Variants in TRPM7 observed in about 807,000 individuals in gnomAD.
TRPM7 encodes the protein LTRPC ion channel family member 7.
In TRPM7, 134 loss-of-function variants were observed where a neutral mutation model predicts 229.7. The ratio of observed to expected loss-of-function variants is 0.58; its 90% confidence interval spans 0.51 to 0.67. The LOEUF (loss-of-function observed/expected upper bound fraction) is 0.67. Among genes scored for constraint, TRPM7 ranks in the 30% least tolerant of loss-of-function variants. TRPM7 has a pLI of 0.00. For missense variants in TRPM7, 1,901 were observed against 2,210.0 expected, an observed-to-expected ratio of 0.86 and a Z score of 2.80; for synonymous variants, 699 against 715.2, an observed-to-expected ratio of 0.98 and a Z score of 0.36.
chr15:50,622,672 A>G (rs2060445297), intron 12 of TRPM7, among the ~76,000 whole-genome samples: 1 of 151,966 alleles, frequency 6.6e-6, no homozygotes, highest in Non-Finnish European at 1.5e-5. Flanking sequence ...GATCATCTGA[A>G]GTCGGGAGTT....
rs755344114 is a variant in TRPM7 at position 50,643,334 on chromosome 15, C to T, written c.535+6G>A. 7 of 1,609,814 alleles carry T rather than the reference C, an allele frequency of 4.3e-6. No individual in the cohort carries two copies. In the South Asian group the frequency reaches 4.4e-5, roughly 10 times the overall value. On this transcript the variant is annotated splice_donor_region_variant and intron_variant, in intron 5 of 38. Coordinates refer to ENST00000646667, the MANE Select transcript of TRPM7 (RefSeq NM_017672.6). ...CTAAATAAAATTGGTATAATCATCA[C>T]ATTACCTGTGTTTACTCCTCCAGTT... is the stretch of plus-strand genomic sequence containing the variant.
At chr15:50,639,082 A>G (rs567573197) in intron 6 of TRPM7, among the ~76,000 whole-genome samples, 1 of 152,362 alleles carries the variant, frequency 6.6e-6, no homozygotes, top group East Asian at 1.9e-4. Flanking sequence ...CCCTAGTCTT[A>G]GTGAGAATAA....
chr15:50,611,431 T>C, intron 16 of TRPM7, 110 bp from the exon 17 acceptor site: 1 of 797,104 alleles, frequency 1.3e-6, no homozygotes, highest in Non-Finnish European at 2.0e-6. Flanking sequence ...CACACACACT[T>C]ACAGAATTAT....
At chr15:50,660,515 C>T (rs943374680) in intron 2 of TRPM7, among the ~76,000 whole-genome samples, 2 of 152,162 alleles carry the variant, frequency 1.3e-5, no homozygotes, top group East Asian at 1.9e-4. Context: ...ATTAAGTGGG[C>T]GTGGTAGCGC....
chr15:50,655,724 G>A (rs28810671), intron 3 of TRPM7, among the ~76,000 whole-genome samples: 7,994 of 152,214 alleles, frequency 0.053, 706 homozygotes, highest in African/African-American at 0.18. Flanking sequence ...TGGGCTGGGC[G>A]CAACAGCTCA....
At position 50,679,179 on chromosome 15, in the gene TRPM7, T is replaced by A. The variant is rs546094384; in HGVS notation, c.3+7352A>T. Among the ~76,000 whole-genome samples, 62 of 150,648 alleles carry A rather than the reference T, an allele frequency of 4.1e-4. 1 individual carries two copies. Among genetic ancestry groups the A allele is most frequent in the African/African-American group, 1.5e-3 (60 of 40,600 alleles). ...TAACCACCGCACCCAGTCAAAAAAA[T>A]TTTTTAATTAGCCAGGTTGGTGGTA... On this transcript the variant is annotated intron_variant, in intron 1 of 38. Coordinates refer to ENST00000646667, the MANE Select transcript of TRPM7 (RefSeq NM_017672.6).
intron 7 of TRPM7, among the ~76,000 whole-genome samples, 182 bp from the exon 8 acceptor site, chr15:50,634,738 T>C (rs1461493316): frequency 4.6e-5 from 7 of 152,176 alleles, no homozygotes. Context: ...CTGATACCAG[T>C]TCACGTAAGT....
intron 28 of TRPM7, among the ~76,000 whole-genome samples, chr15:50,584,454 TAC>T (rs547306095): frequency 1.8e-3 from 269 of 152,252 alleles, no homozygotes; most frequent in Non-Finnish European, 2.3e-3. Flanking sequence ...GTTCTGGGAA[TAC>T]AGAGTGAGAA....
At chr15:50,659,803 G>C (rs966230081) in intron 2 of TRPM7, among the ~76,000 whole-genome samples, 2 of 151,996 alleles carry the variant, frequency 1.3e-5, no homozygotes, top group Admixed American at 1.3e-4. Context: ...AAGTAGCTGG[G>C]ATTACAAGTG....
At chr15:50,628,919 A>G (rs1276077905) in intron 10 of TRPM7, among the ~76,000 whole-genome samples, 1 of 152,222 alleles carries the variant, frequency 6.6e-6, no homozygotes, top group Non-Finnish European at 1.5e-5. Flanking sequence ...AAATGGGTTC[A>G]TACTACAAAA....
chr15:50,644,355 A>G (rs1477431193), intron 4 of TRPM7, among the ~76,000 whole-genome samples: 3 of 152,240 alleles, frequency 2.0e-5, no homozygotes, highest in African/African-American at 7.2e-5. Context: ...CTTGGCCTAA[A>G]GCACATATAT....
Position 50,627,919 on chromosome 15 carries a change from T to C in TRPM7, c.1305+230A>G, listed in dbSNP as rs576037719. 7.9e-4 allele frequency among the ~76,000 whole-genome samples: 121 copies of C among 152,342 alleles called. 1 individual carries two copies. Among genetic ancestry groups the C allele is most frequent in the African/African-American group, 2.8e-3 (118 of 41,590 alleles). Reference sequence around the variant, plus strand: ...CAGAGCATGAGTTTTAAAGCTTCTTTCAGTTCTAAGATTCTTAGAGATCTA... The same window carrying C: ...CAGAGCATGAGTTTTAAAGCTTCTTCCAGTTCTAAGATTCTTAGAGATCTA... On this transcript the variant is annotated intron_variant, in intron 11 of 38. Transcript: ENST00000646667.
rs754370969 is a variant in TRPM7 at position 50,605,003 on chromosome 15, T to C, written c.2851A>G (p.Asn951Asp). 13 of 1,613,856 alleles carry C rather than the reference T, an allele frequency of 8.1e-6. No individual in the cohort carries two copies. In the African/African-American group the frequency reaches 1.6e-4, roughly 20 times the overall value. The change falls in exon 21 of 39, where the codon AAT becomes GAT. Residue 951 changes from asparagine (N) to aspartate (D), a missense_variant. Transcript: ENST00000646667. ...LRFGAKWNFA[N>D]AYDNHVFVAG... ...ACAAAAACATGATTATCATATGCAT[T>C]TGCAAAGTTCCATTTTGCTCCAAAT...
At chr15:50,628,417 C>T (rs924659911) in intron 10 of TRPM7, among the ~76,000 whole-genome samples, 168 bp from the exon 11 acceptor site, 1 of 151,972 alleles carries the variant, frequency 6.6e-6, no homozygotes, top group Non-Finnish European at 1.5e-5. Flanking sequence ...AAGTGTACCT[C>T]CCGCCTTAGC....
chr15:50,603,339 TAAG>T (rs767483858), intron 21 of TRPM7, among the ~76,000 whole-genome samples: 40 of 152,146 alleles, frequency 2.6e-4, no homozygotes, highest in Non-Finnish European at 4.6e-4. Context: ...TATTATACTT[TAAG>T]TTCTAGGGTA....
intron 7 of TRPM7, among the ~76,000 whole-genome samples, chr15:50,635,007 AC>A (rs1336600760): frequency 1.3e-5 from 2 of 152,086 alleles, no homozygotes; most frequent in African/African-American, 4.8e-5. Context: ...TCCAAATGAG[AC>A]ATTAAAATAG....
chr15:50,603,010 T>A (rs185676593), intron 21 of TRPM7, among the ~76,000 whole-genome samples: 174 of 152,324 alleles, frequency 1.1e-3, no homozygotes, highest in Admixed American at 2.4e-3. Flanking sequence ...CTTTTTTGCA[T>A]GCTAAAATGT....
At chr15:50,604,703 G>T in intron 21 of TRPM7, 163 bp downstream of exon 21, 2 of 657,888 alleles carry the variant, frequency 3.0e-6, no homozygotes, top group Middle Eastern at 4.3e-4. Flanking sequence ...GATTGGGATT[G>T]AGCATGAGAA....
chr15:50,665,153 G>A (rs889383509), intron 1 of TRPM7, among the ~76,000 whole-genome samples: 9 of 151,850 alleles, frequency 5.9e-5, no homozygotes, highest in Non-Finnish European at 1.0e-4. Flanking sequence ...CCTGCAATCC[G>A]AGTACTTTAG....
Sources: allele counts gnomAD v4.1 joint callset (sites outside exome capture counted in the v4.1 genomes callset), GRCh38; gene constraint gnomAD v4.1.1; transcripts MANE v1.5; gene names NCBI Gene and HGNC (gene_info 2026-07-23, HGNC 2026-07-21).